HDAC9: variants seen among roughly 807,000 people sequenced by gnomAD.
The protein encoded by HDAC9 is histone deacetylase 9.
Under a neutral mutation model 139.4 loss-of-function variants are expected in HDAC9, and 41 were observed. The ratio of observed to expected loss-of-function variants is 0.29; its 90% CI spans 0.23 to 0.38. The LOEUF (loss-of-function observed/expected upper bound fraction) is 0.38. Among genes scored for constraint, HDAC9 ranks in the 10% least tolerant of loss-of-function variants. The probability of loss-of-function intolerance (pLI) is 1.00; values close to 1 mark genes in which losing one functional copy is unlikely to be tolerated. For missense variants in HDAC9, 1,147 were observed against 1,297.0 expected, an observed-to-expected ratio of 0.88 and a Z score of 1.78; for synonymous variants, 517 against 476.2, an observed-to-expected ratio of 1.09 and a Z score of -1.12.
rs1379870090 is a variant in HDAC9, at chr7:18,438,088, AATTT to A, written c.-41-58170_-41-58167del. Among the ~76,000 whole-genome samples the A allele has an allele frequency of 2.0e-5, 3 of 150,238 alleles. No individual in the cohort carries two copies. In the South Asian group the frequency reaches 6.2e-4, roughly 31 times the overall value. ...ATATATAAAGTTTATATATATAATA[AATTT>A]ATTAGTTGGCTAAATATTTATATAT... On this transcript the variant is annotated intron_variant, in intron 1 of 3. Transcript: ENST00000413509.
chr7:18,170,314 T>A (rs968917399), intron 2 of HDAC9, among the ~76,000 whole-genome samples: 4 of 152,194 alleles, frequency 2.6e-5, no homozygotes, highest in Admixed American at 6.5e-5. Context: ...CTGGGTTGTT[T>A]TTTTTCTTGT....
intron 22 of HDAC9, among the ~76,000 whole-genome samples, chr7:18,916,288 G>A (rs953557458): frequency 2.6e-5 from 4 of 151,996 alleles, no homozygotes; most frequent in African/African-American, 9.7e-5. Context: ...GTGATGTGGT[G>A]GTAGAGATGA....
intron 13 of HDAC9, among the ~76,000 whole-genome samples, chr7:18,732,499 GTGTATATACATATATACAC>G (rs1786164823): frequency 6.7e-6 from 1 of 150,104 alleles, no homozygotes; most frequent in Non-Finnish European, 1.5e-5. Context: ...GTGTATATAT[GTGTATATACATATATACAC>G]TGTATGTATG....
At chr7:18,613,196 A>G (rs888714153) in intron 6 of HDAC9, among the ~76,000 whole-genome samples, 1 of 151,480 alleles carries the variant, frequency 6.6e-6, no homozygotes, top group East Asian at 1.9e-4. Context: ...GAAGGAACTG[A>G]ATATATTGGA....
chr7:18,794,439 C>T (rs1490720343), intron 17 of HDAC9, among the ~76,000 whole-genome samples: 2 of 152,124 alleles, frequency 1.3e-5, no homozygotes, highest in Admixed American at 6.5e-5. Flanking sequence ...CACAATGCAA[C>T]GTTTGTCCAA....
chr7:18,268,863 G>A (rs939571958), intron 2 of HDAC9, among the ~76,000 whole-genome samples: 3 of 152,120 alleles, frequency 2.0e-5, no homozygotes, highest in African/African-American at 7.2e-5. Flanking sequence ...TTCTAGAGCT[G>A]GACCATTTAT....
chr7:18,189,920 G>GGTGT (rs35060071), intron 2 of HDAC9, among the ~76,000 whole-genome samples: 1,586 of 145,140 alleles, frequency 0.011, 25 homozygotes, highest in African/African-American at 0.037. Flanking sequence ...ACTTGTGTGT[G>GGTGT]GTGTGTGTGT....
At chr7:18,781,746 T>C (rs548505783) in intron 16 of HDAC9, among the ~76,000 whole-genome samples, 10 of 152,148 alleles carry the variant, frequency 6.6e-5, no homozygotes, top group Admixed American at 5.2e-4. Flanking sequence ...ATGTTGAGCT[T>C]ATCAAATACC....
At chr7:18,189,779 G>A (rs1340913455) in intron 2 of HDAC9, among the ~76,000 whole-genome samples, 1 of 152,150 alleles carries the variant, frequency 6.6e-6, no homozygotes, top group Non-Finnish European at 1.5e-5. Flanking sequence ...CAAACCAAGT[G>A]TCAAAAAACC....
chr7:18,156,860 C>T (rs1399357630), intron 1 of HDAC9, among the ~76,000 whole-genome samples: 1 of 152,144 alleles, frequency 6.6e-6, no homozygotes, highest in Non-Finnish European at 1.5e-5. Context: ...TGTGGTGGCT[C>T]ACACCTGTAA....
At chr7:18,983,550 A>G (rs1185847527) in intron 25 of HDAC9, among the ~76,000 whole-genome samples, 3 of 152,128 alleles carry the variant, frequency 2.0e-5, no homozygotes, top group East Asian at 1.9e-4. Context: ...TTTTCATACA[A>G]GTTTTCTTTT....
intron 1 of HDAC9, among the ~76,000 whole-genome samples, chr7:18,392,438 T>TAGAC (rs899674135): frequency 4.1e-5 from 6 of 146,108 alleles, no homozygotes; most frequent in African/African-American, 1.5e-4. Context: ...GATAGATAGA[T>TAGAC]AGACAGATAT....
At chr7:18,817,067 C>T (rs1371483274) in intron 17 of HDAC9, among the ~76,000 whole-genome samples, 1 of 150,210 alleles carries the variant, frequency 6.7e-6, no homozygotes, top group Non-Finnish European at 1.5e-5. Context: ...TGGAGTCTCG[C>T]GCTGTCGCCC....
At chr7:18,830,020 C>T (rs1795745423) in intron 19 of HDAC9, among the ~76,000 whole-genome samples, 1 of 152,156 alleles carries the variant, frequency 6.6e-6, no homozygotes, top group South Asian at 2.1e-4. Flanking sequence ...GATCTCCAAT[C>T]TCAGATGCCA....
intron 8 of HDAC9, among the ~76,000 whole-genome samples, chr7:18,641,955 G>A (rs941175733): frequency 2.0e-5 from 3 of 152,088 alleles, no homozygotes; most frequent in African/African-American, 7.2e-5. Context: ...CATAGTTGAG[G>A]AAAGCTGTAT....
intron 22 of HDAC9, among the ~76,000 whole-genome samples, chr7:18,885,728 T>A (rs116975565): frequency 1.1e-4 from 16 of 152,212 alleles, no homozygotes; most frequent in African/African-American, 3.9e-4. Flanking sequence ...ATTGTGAAAA[T>A]ATTTTTCGAA....
intron 1 of HDAC9, among the ~76,000 whole-genome samples, chr7:18,353,562 AC>A (rs376399506): frequency 3.3e-5 from 5 of 152,296 alleles, no homozygotes; most frequent in African/African-American, 1.2e-4. Flanking sequence ...TACTGTGGCA[AC>A]CTTTTTATTC....
At chr7:18,693,579 A>G (rs1321452169) in intron 12 of HDAC9, among the ~76,000 whole-genome samples, 1 of 152,142 alleles carries the variant, frequency 6.6e-6, no homozygotes, top group South Asian at 2.1e-4. Context: ...GCACAAATTG[A>G]GCAATTGTCC....
chr7:18,493,781 A>AT (rs1300735257), upstream of HDAC9, among the ~76,000 whole-genome samples: 2 of 146,742 alleles, frequency 1.4e-5, no homozygotes, highest in Non-Finnish European at 3.0e-5. Context: ...TTGTAGAATA[A>AT]AAAAAAAAAA....
Sources: allele counts gnomAD v4.1 joint callset (sites outside exome capture counted in the v4.1 genomes callset), GRCh38; gene constraint gnomAD v4.1.1; transcripts MANE v1.5; gene names NCBI Gene and HGNC (gene_info 2026-07-23, HGNC 2026-07-21).